SPECC1: variants seen among roughly 807,000 people sequenced by gnomAD.
SPECC1 encodes the protein cytospin-B.
SPECC1 carries 62 observed loss-of-function variants against 104.1 expected under a neutral mutation model. The ratio of observed to expected loss-of-function variants is 0.60; its 90% CI spans 0.49 to 0.74. The LOEUF (loss-of-function observed/expected upper bound fraction) is 0.74, where lower values mean the gene tolerates loss of function less well. Among genes scored for constraint, SPECC1 ranks in the 30% least tolerant of loss-of-function variants. SPECC1 has a pLI of 0.00. For synonymous variants in SPECC1, 513 were observed against 501.6 expected, an observed-to-expected ratio of 1.02 and a Z score of -0.30; for missense variants, 1,306 against 1,310.5, an observed-to-expected ratio of 1.00 and a Z score of 0.05.
At chr17:20,115,971 T>C (rs1286898124) in intron 3 of SPECC1, among the ~76,000 whole-genome samples, 1 of 152,266 alleles carries the variant, frequency 6.6e-6, no homozygotes, top group Non-Finnish European at 1.5e-5. Context: ...CATTGTATGC[T>C]TTGAATTTCC....
chr17:20,150,002 T>G (rs1219476680), intron 3 of SPECC1, among the ~76,000 whole-genome samples: 1 of 152,096 alleles, frequency 6.6e-6, no homozygotes, highest in African/African-American at 2.4e-5. Context: ...AGATGGAGTC[T>G]CACTCTGTCT....
intron 1 of SPECC1, chr17:20,010,156 T>G (rs1018529004): frequency 1.6e-4 from 24 of 151,388 alleles, no homozygotes; most frequent in African/African-American, 5.3e-4. Context: ...TTTTTTTTTT[T>G]TTTTTCCTAA....
intron 9 of SPECC1, among the ~76,000 whole-genome samples, chr17:20,251,172 C>G: frequency 7.3e-6 from 1 of 136,950 alleles, no homozygotes; most frequent in East Asian, 2.2e-4. Context: ...AGGTTGCAGT[C>G]ACCTGAGATC....
chr17:20,109,798 G>GTTCTTTTTTCATTGGTTCCCA lies in SPECC1; in HGVS notation c.148-619_148-599dup, dbSNP rs1348925827. ...TACCCTGCCTTTTGTGCATCTCCCA[G>GTTCTTTTTTCATTGGTTCCCA]TTCTTTTTTCATTGGTTCCCATTCT... On this transcript the variant is annotated intron_variant, in intron 2 of 14. Transcript: ENST00000395527. 1.1e-4 allele frequency among the ~76,000 whole-genome samples: 17 copies of GTTCTTTTTTCATTGGTTCCCA among 152,148 alleles called. No homozygotes were observed. The South Asian group carries it at 3.5e-3, about 32-fold the overall frequency.
chr17:20,104,675 G>A (rs940398241), intron 2 of SPECC1, among the ~76,000 whole-genome samples: 4 of 149,908 alleles, frequency 2.7e-5, no homozygotes, highest in Non-Finnish European at 5.9e-5. Flanking sequence ...TCTGGGAGGC[G>A]GAGGTTGCAG....
chr17:20,314,146 G>T lies in SPECC1; in HGVS notation c.*81G>T. 1 of 1,222,032 alleles carries T rather than the reference G, an allele frequency of 8.2e-7. No homozygotes were observed. Among genetic ancestry groups the T allele is most frequent in the Non-Finnish European group, 1.2e-6 (1 of 846,506 alleles). 75.7% of individuals were successfully genotyped at this position (1,222,032 alleles called of 1,614,324 possible). On this transcript the variant is annotated 3_prime_UTR_variant, in exon 15 of 15. Transcript: ENST00000395527. ...CGCCTGATTACTGTCCACTGACCCT[G>T]CTCTGCCCACCACCCAGCTGCCTAG...
intron 13 of SPECC1, among the ~76,000 whole-genome samples, chr17:20,298,948 A>AGAGAGAGAGAGAGTGTGTGG: frequency 2.0e-5 from 1 of 49,072 alleles, no homozygotes; most frequent in Non-Finnish European, 3.7e-5. Context: ...AGAGAGAGAG[A>AGAGAGAGAGAGAGTGTGTGG]GTGTGTGTGT....
chr17:20,033,435 A>G (rs2044909919), intron 1 of SPECC1, among the ~76,000 whole-genome samples: 1 of 152,152 alleles, frequency 6.6e-6, no homozygotes, highest in Non-Finnish European at 1.5e-5. Flanking sequence ...GTCTTGCTAT[A>G]AAGGAATACC....
At chr17:20,204,248 G>C in intron 3 of SPECC1, 85 bp from the exon 4 acceptor site, 1 of 1,478,210 alleles carries the variant, frequency 6.8e-7, no homozygotes, top group Non-Finnish European at 9.1e-7. Flanking sequence ...ACTGTCCACT[G>C]TGCCATGTGA....
intron 12 of SPECC1, among the ~76,000 whole-genome samples, chr17:20,289,214 C>T (rs998711865): frequency 3.9e-5 from 6 of 152,152 alleles, no homozygotes; most frequent in Non-Finnish European, 8.8e-5. Context: ...GAAAGACTGG[C>T]CCCCATGATT....
chr17:20,189,759 G>A (rs77436051), intron 3 of SPECC1, among the ~76,000 whole-genome samples: 1,803 of 152,266 alleles, frequency 0.012, 35 homozygotes, highest in East Asian at 0.083. Flanking sequence ...AGGAGGAGTA[G>A]ATTTACAAGC....
At chr17:20,135,171 T>G (rs1465382129) in intron 3 of SPECC1, among the ~76,000 whole-genome samples, 1 of 152,220 alleles carries the variant, frequency 6.6e-6, no homozygotes, top group African/African-American at 2.4e-5. Context: ...TGAATTGTCT[T>G]TGTTTGCATA....
At chr17:20,062,026 G>A (rs915336318) in intron 1 of SPECC1, among the ~76,000 whole-genome samples, 5 of 152,034 alleles carry the variant, frequency 3.3e-5, no homozygotes, top group Non-Finnish European at 4.4e-5. Context: ...TTGGGAGGCC[G>A]AGGCGGGTGG....
intron 14 of SPECC1, among the ~76,000 whole-genome samples, chr17:20,311,732 C>T (rs142696953): frequency 3.9e-5 from 6 of 152,198 alleles, no homozygotes; most frequent in Admixed American, 2.0e-4. Flanking sequence ...CATGATTTTA[C>T]GGGGGGAATG....
In SPECC1 at chr17:20,224,813, A is replaced by T. The variant is rs182523796; in HGVS notation, c.1864-2600A>T. On this transcript the variant is annotated intron_variant, in intron 4 of 14. Transcript: ENST00000395527. ...TTTTACTGTGGCTGAGCTGTGCCCA[A>T]GTTGCAAGATGAAGTCCCCTTTACT... Among the ~76,000 whole-genome samples the T allele has an allele frequency of 6.5e-4, 99 of 152,134 alleles. 1 individual carries two copies. The Middle Eastern group carries it at 0.01, about 16-fold the overall frequency.
At position 20,096,615 on chromosome 17, in the gene SPECC1, T is replaced by C. The variant is rs765824853; in HGVS notation, c.-21-16T>C. ...CAAGTGATGGAGACATGTTTTTCTT[T>C]TCTGCTCTTTTGCAGGACAGACCCA... On this transcript the variant is annotated splice_polypyrimidine_tract_variant and intron_variant, in intron 1 of 14. Coordinates refer to ENST00000395527, the MANE Select transcript of SPECC1 (RefSeq NM_001243439.2). 1.3e-6 allele frequency: 2 copies of C among 1,584,220 alleles called. No homozygotes were observed. Among genetic ancestry groups the C allele is most frequent in the Non-Finnish European group, 1.7e-6 (2 of 1,162,028 alleles).
At chr17:20,240,216 C>A (rs1370737788) in intron 7 of SPECC1, among the ~76,000 whole-genome samples, 2 of 151,158 alleles carry the variant, frequency 1.3e-5, no homozygotes, top group Non-Finnish European at 3.0e-5. Context: ...CATGCCCAGC[C>A]CTTTCTAAGC....
At chr17:20,146,874 C>T (rs1211394496) in intron 3 of SPECC1, among the ~76,000 whole-genome samples, 1 of 152,056 alleles carries the variant, frequency 6.6e-6, no homozygotes, top group Non-Finnish European at 1.5e-5. Flanking sequence ...CCACTGCACT[C>T]CAGCCTGGGC....
intron 4 of SPECC1, among the ~76,000 whole-genome samples, chr17:20,210,904 T>C (rs1544421): frequency 0.71 from 107,745 of 151,806 alleles, 39,978 homozygotes; most frequent in East Asian, 0.99. Flanking sequence ...GCTCAGGGGG[T>C]TTTCTCGGCC....
Sources: allele counts gnomAD v4.1 joint callset (sites outside exome capture counted in the v4.1 genomes callset), GRCh38; gene constraint gnomAD v4.1.1; transcripts MANE v1.5; gene names NCBI Gene and HGNC (gene_info 2026-07-23, HGNC 2026-07-21).